The following ADAMTSL3 variants were observed in gnomAD, a reference collection of about 807,000 sequenced individuals.
ADAMTSL3 encodes the protein ADAMTS-like protein 3.
ADAMTSL3 carries 128 observed loss-of-function variants against 201.7 expected under a neutral mutation model. That is an observed-to-expected ratio of 0.63 (90% CI 0.55 to 0.73). The LOEUF is 0.73. ADAMTSL3 is among the 30% of genes least tolerant of loss of function. The probability of loss-of-function intolerance (pLI) is 0.00; values close to 1 mark genes in which losing one functional copy is unlikely to be tolerated. For missense variants in ADAMTSL3, 1,990 were observed against 2,119.6 expected (o/e 0.94, Z 1.20); for synonymous variants, 738 against 748.4 (o/e 0.99, Z 0.23).
chr15:83,961,942 G>C (rs2066978685), intron 19 of ADAMTSL3: 1 of 152,188 alleles, frequency 6.6e-6, no homozygotes, highest in Non-Finnish European at 1.5e-5. Context: ...TTGGAGAGAT[G>C]AGGTAGATGA....
chr15:83,743,824 G>T (rs894361983), intron 3 of ADAMTSL3, among the ~76,000 whole-genome samples: 1 of 152,046 alleles, frequency 6.6e-6, no homozygotes, highest in African/African-American at 2.4e-5. Context: ...CAATAATGGA[G>T]TCAACAAGAA....
chr15:83,669,100 C>T (rs528648603), intron 2 of ADAMTSL3, among the ~76,000 whole-genome samples: 2 of 152,268 alleles, frequency 1.3e-5, no homozygotes, highest in Middle Eastern at 6.8e-3. Flanking sequence ...GGGGAGTGTG[C>T]TCCACCCATG....
Position 83,870,901 on chromosome 15 carries a change from G to T in ADAMTSL3, c.902G>T (p.Gly301Val). 2 of 1,613,428 alleles carry T rather than the reference G, an allele frequency of 1.2e-6. No homozygotes were observed. Among genetic ancestry groups the T allele is most frequent in the Non-Finnish European group, 1.7e-6 (2 of 1,179,762 alleles). Residue 301 changes from glycine (G) to valine (V), a missense_variant, in exon 9 of 30, where the codon GGC becomes GTC. Physicochemically the swap from Gly to Val is moderately radical, Grantham distance 109. Coordinates refer to ENST00000286744, the MANE Select transcript of ADAMTSL3 (RefSeq NM_207517.3). Reference sequence around the variant, plus strand: ...AACACAACAGTGGAATTTCAGAGGGGCTCCGAGAGGCAAACTTTTAAGATT... The same window carrying T: ...AACACAACAGTGGAATTTCAGAGGGTCTCCGAGAGGCAAACTTTTAAGATT... ...VENTTVEFQR[G>V]SERQTFKIPG... is the part of the protein sequence containing the mutation.
chr15:83,982,989 A>G lies in ADAMTSL3; in HGVS notation c.3361A>G (p.Ile1121Val), dbSNP rs202120922. The change falls in exon 21 of 30, where the codon ATA becomes GTA. Residue 1121 changes from isoleucine to valine, a missense_variant. Physicochemically the swap from Ile to Val is conservative, Grantham distance 29. Transcript: ENST00000286744. ...EVSDDLASQL[I>V]YQLVAELAKA... ...CAGCGATGATCTTGCGTCCCAGCTGATATATCAGCTGGTGGCCGAATTAGC... is the reference window on the plus strand; with the variant it reads ...CAGCGATGATCTTGCGTCCCAGCTGGTATATCAGCTGGTGGCCGAATTAGC... 4 of 1,614,162 alleles carry G rather than the reference A, an allele frequency of 2.5e-6. No individual in the cohort carries two copies. Among genetic ancestry groups the G allele is most frequent in the Non-Finnish European group, 8.5e-7 (1 of 1,180,016 alleles).
intron 17 of ADAMTSL3, among the ~76,000 whole-genome samples, chr15:83,926,328 G>A (rs969269856): frequency 1.1e-4 from 17 of 152,294 alleles, no homozygotes; most frequent in African/African-American, 4.1e-4. Flanking sequence ...CAAGGGCCAC[G>A]GTAAGCACTT....
At chr15:83,823,251 T>A (rs2063926948) in intron 6 of ADAMTSL3, among the ~76,000 whole-genome samples, 1 of 149,126 alleles carries the variant, frequency 6.7e-6, no homozygotes. Context: ...CTGAAAAATA[T>A]TTTTAAAAAA....
intron 3 of ADAMTSL3, among the ~76,000 whole-genome samples, chr15:83,772,493 A>G (rs926675113): frequency 1.3e-5 from 2 of 152,160 alleles, no homozygotes; most frequent in Admixed American, 6.6e-5. Context: ...AGTCTAGGAG[A>G]CCAATTAAAC....
At chr15:83,674,718 C>CATATATACAT (rs1567064045) in intron 2 of ADAMTSL3, among the ~76,000 whole-genome samples, 1 of 63,972 alleles carries the variant, frequency 1.6e-5, no homozygotes, top group East Asian at 6.6e-4. Context: ...TATATACACA[C>CATATATACAT]ATATATACAT....
intron 3 of ADAMTSL3, among the ~76,000 whole-genome samples, chr15:83,716,748 T>G (rs971325321): frequency 6.6e-6 from 1 of 152,292 alleles, no homozygotes; most frequent in South Asian, 2.1e-4. Flanking sequence ...CAGACTGTTC[T>G]TTGTTTTGGA....
At chr15:83,924,987 G>C (rs2066221979) in intron 17 of ADAMTSL3, among the ~76,000 whole-genome samples, 1 of 152,168 alleles carries the variant, frequency 6.6e-6, no homozygotes, top group Non-Finnish European at 1.5e-5. Context: ...GTGTCCTCCT[G>C]CCGTATTAGT....
At chr15:83,856,475 C>A (rs1275780137) in intron 7 of ADAMTSL3, among the ~76,000 whole-genome samples, 1 of 152,070 alleles carries the variant, frequency 6.6e-6, no homozygotes, top group Non-Finnish European at 1.5e-5. Flanking sequence ...CCATGCCTGG[C>A]CCCCTCCTTT....
At chr15:83,724,614 T>A (rs1596093219) in intron 3 of ADAMTSL3, among the ~76,000 whole-genome samples, 1 of 152,130 alleles carries the variant, frequency 6.6e-6, no homozygotes. Context: ...GTAGTCACCC[T>A]GTTGTGCTAC....
At chr15:83,661,324 C>T (rs2061160217) in intron 2 of ADAMTSL3, among the ~76,000 whole-genome samples, 1 of 151,284 alleles carries the variant, frequency 6.6e-6, no homozygotes, top group African/African-American at 2.4e-5. Context: ...TGAAGAAAGG[C>T]ATTGGTAGCT....
At chr15:83,884,812 C>T (rs192433057) in intron 9 of ADAMTSL3, among the ~76,000 whole-genome samples, 48 of 152,144 alleles carry the variant, frequency 3.2e-4, no homozygotes, top group Non-Finnish European at 6.0e-4. Flanking sequence ...CAGTGTGAAA[C>T]GAACAAACAA....
At chr15:83,853,412 A>G (rs559849342) in intron 7 of ADAMTSL3, among the ~76,000 whole-genome samples, 4 of 152,264 alleles carry the variant, frequency 2.6e-5, no homozygotes, top group Admixed American at 2.6e-4. Context: ...CCCCAATTAA[A>G]CAGCAGTGTT....
chr15:83,953,209 T>G (rs1336804644), intron 19 of ADAMTSL3, among the ~76,000 whole-genome samples: 1 of 152,222 alleles, frequency 6.6e-6, no homozygotes, highest in Non-Finnish European at 1.5e-5. Context: ...TTCTCTTTCT[T>G]CTTTCCTTCC....
chr15:83,707,473 C>T lies in ADAMTSL3; in HGVS notation c.189+2965C>T, dbSNP rs55820009. On this transcript the variant is annotated intron_variant, in intron 3 of 29. Transcript: ENST00000286744. ...TGAGCTATAACATATGTAAGTAAAA[C>T]GCATACATATCTGAAGTATAGAGCT... Among the ~76,000 whole-genome samples the T allele has an allele frequency of 5.4e-3, 828 of 152,252 alleles. 7 individuals are homozygous for T. Among genetic ancestry groups the T allele is most frequent in the African/African-American group, 0.019 (781 of 41,544 alleles).
At chr15:83,851,188 T>C (rs2064605192) in intron 7 of ADAMTSL3, among the ~76,000 whole-genome samples, 1 of 152,214 alleles carries the variant, frequency 6.6e-6, no homozygotes, top group African/African-American at 2.4e-5. Context: ...TATGAAACTT[T>C]AGTGGAGGGT....
chr15:83,824,853 A>G (rs2063986043), intron 6 of ADAMTSL3: 1 of 152,144 alleles, frequency 6.6e-6, no homozygotes, highest in Non-Finnish European at 1.5e-5. Flanking sequence ...AAAATTTAAG[A>G]TAAAAAATTA....
Sources: gnomAD v4.1 joint callset for allele counts (sites outside exome capture counted in the v4.1 genomes callset) on GRCh38, gnomAD v4.1.1 for gene constraint, MANE v1.5 for transcripts, NCBI Gene and HGNC (gene_info 2026-07-23, HGNC 2026-07-21) for gene names.